PKD1: variants seen among roughly 807,000 people sequenced by gnomAD.
PKD1 encodes the protein polycystin-1.
In PKD1, 81 loss-of-function variants were observed where a neutral mutation model predicts 361.7. The ratio of observed to expected loss-of-function variants is 0.22; its 90% CI spans 0.19 to 0.27. The LOEUF (loss-of-function observed/expected upper bound fraction) is 0.27, where lower values mean the gene tolerates loss of function less well. Among genes scored for constraint, PKD1 ranks in the 10% least tolerant of loss-of-function variants. PKD1 has a pLI of 1.00. For missense variants in PKD1, 6,399 were observed against 6,118.3 expected (o/e 1.05, Z -1.53); for synonymous variants, 3,615 against 2,818.3 (o/e 1.28, Z -8.95).
Position 2,108,528 on chromosome 16 carries a change from C to T in PKD1, c.6639G>A (p.Arg2213=), listed in dbSNP as rs777695649. The T allele has an allele frequency of 2.5e-6, 4 of 1,608,730 alleles. No homozygotes were observed. Among genetic ancestry groups the T allele is most frequent in the Non-Finnish European group, 3.4e-6 (4 of 1,178,894 alleles). ...CCAGCCGCGGCAGCACCAGCCGAGG[C>T]CGGCTCACGTCCACGCCGGGCAGGG... ...RVALPGVDVS[R]PRLVLPRLAL... The change falls in exon 15 of 46, where the codon CGG becomes CGA. Residue 2213 remains arginine (R), a synonymous_variant. Transcript: ENST00000262304.
rs1311566854 is a variant in PKD1 at position 2,116,583 on chromosome 16, G to A, written c.1668C>T (p.Pro556=). The A allele has an allele frequency of 7.0e-6, 11 of 1,571,382 alleles. No homozygotes were observed. The South Asian group carries it at 1.2e-4, about 17-fold the overall frequency. The change falls in exon 8 of 46, where the codon CCC becomes CCT. Residue 556 remains proline, a synonymous_variant. Transcript: ENST00000262304. The part of the protein sequence containing the change: ...VGAPSGDLQG[P]LTPLAQQDGL... ...CGTCCTGCTGTGCCAGAGGCGTCAG[G>A]GGTCCCTGCAGGTCCCCACTGGGCG...
intron 1 of PKD1, among the ~76,000 whole-genome samples, chr16:2,127,778 G>T (rs1025637774): frequency 4.0e-5 from 6 of 151,336 alleles, no homozygotes; most frequent in African/African-American, 1.5e-4. Context: ...CACACCAGAG[G>T]TGGAGGCGCT....
At position 2,090,920 on chromosome 16, in the gene PKD1, G is replaced by A. The variant is rs755675128; in HGVS notation, c.11967C>T (p.Gly3989=). The A allele has an allele frequency of 8.2e-6, 13 of 1,585,358 alleles. No homozygotes were observed. Among genetic ancestry groups the A allele is most frequent in the Middle Eastern group, 1.7e-4 (1 of 6,032 alleles). ...GCAGGAAGAGCAGCGAGGCCGCCAG[G>A]CCACGGGCTGCGGAGCTCAGCTGCG... ...QVAQLSSAAR[G]LAASLLFLLL... Residue 3989 remains glycine (G), a synonymous_variant, in exon 43 of 46, where the codon GGC becomes GGT. Coordinates refer to ENST00000262304, the MANE Select transcript of PKD1 (RefSeq NM_001009944.3).
intron 1 of PKD1, among the ~76,000 whole-genome samples, chr16:2,125,525 G>A (rs1324391695): frequency 2.1e-5 from 2 of 96,136 alleles, no homozygotes; most frequent in African/African-American, 1.0e-4. Flanking sequence ...GGTCCTCCCG[G>A]GACCCACAGG....
In PKD1 at chr16:2,103,860, C is replaced by T. The variant is rs1275391289; in HGVS notation, c.8197G>A (p.Ala2733Thr). 2 of 1,603,734 alleles carry T rather than the reference C, an allele frequency of 1.2e-6. No individual in the cohort carries two copies. The highest frequency in any genetic ancestry group is 2.3e-5 in the East Asian group (1 of 44,406). Reference sequence around the variant, plus strand: ...GCTCCCAGCTCTGAGGGCTGTGGTGCCCGCACGTCCGAGCTGGCCAGGTGG... The same window carrying T: ...GCTCCCAGCTCTGAGGGCTGTGGTGTCCGCACGTCCGAGCTGGCCAGGTGG... The part of the protein sequence containing the change: ...LIHLASSDVR[A>T]PQPSELGAES... Residue 2733 changes from alanine (A) to threonine (T), a missense_variant, in exon 23 of 46, where the codon GCA becomes ACA. Coordinates refer to ENST00000262304, the MANE Select transcript of PKD1 (RefSeq NM_001009944.3).
In PKD1 at chr16:2,123,703, C is replaced by T. The variant is rs28651969; in HGVS notation, c.216-4325G>A. Among the ~76,000 whole-genome samples the T allele has an allele frequency of 0.18, 27,674 of 152,026 alleles. 2,776 individuals are homozygous for T. Among genetic ancestry groups the T allele is most frequent in the African/African-American group, 0.23 (9,713 of 41,460 alleles). Reference sequence around the variant, plus strand: ...GGCATCTGGCAGCAGGACCACCGAGCGGCCCTAAGCCCAGGCAAGAGCACA... The same window carrying T: ...GGCATCTGGCAGCAGGACCACCGAGTGGCCCTAAGCCCAGGCAAGAGCACA... On this transcript the variant is annotated intron_variant, in intron 1 of 45. Transcript: ENST00000262304.
chr16:2,130,014 A>G (rs1296267037), intron 1 of PKD1, among the ~76,000 whole-genome samples: 6 of 152,172 alleles, frequency 3.9e-5, no homozygotes, highest in Non-Finnish European at 2.9e-5. Context: ...AGACACAACC[A>G]AAGCCTCCCC....
rs1286975547 is a variant in PKD1, at chr16:2,097,135, G to A, written c.10499+13C>T. 1.3e-6 allele frequency: 2 copies of A among 1,541,552 alleles called. No individual in the cohort carries two copies. Among genetic ancestry groups the A allele is most frequent in the Admixed American group, 2.0e-5 (1 of 50,934 alleles). ...TCTGGCAATCCCCCCTCCCCCGAGA[G>A]CCGGACACTCACAGGCTGCTGAGCA... On this transcript the variant is annotated intron_variant, in intron 34 of 45. Transcript: ENST00000262304.
intron 1 of PKD1, among the ~76,000 whole-genome samples, chr16:2,129,948 T>A (rs1040584532): frequency 2.2e-4 from 34 of 152,086 alleles, no homozygotes; most frequent in Admixed American, 1.8e-3. Context: ...GTGCTCTCTG[T>A]CTCCACAGTC....
At position 2,088,838 on chromosome 16, in the gene PKD1, T is replaced by C; in HGVS notation, c.*889A>G. On this transcript the variant is annotated 3_prime_UTR_variant, in exon 46 of 46. Transcript: ENST00000262304. ...CAGGCACAGCCAGCTCCGAGGGCCT[T>C]GAGGCTGCCTGGGCCATACAGCACA... 1.7e-6 allele frequency: 1 copy of C among 598,968 alleles called. No homozygotes were observed. The highest frequency in any genetic ancestry group is 2.9e-6 in the Non-Finnish European group (1 of 342,254). 37.1% of individuals were successfully genotyped at this position (598,968 alleles called of 1,614,324 possible). A position where few individuals can be genotyped will look rare whatever the true frequency, so the allele number is the denominator to read the frequency against.
intron 38 of PKD1, 52 bp from the exon 39 acceptor site, chr16:2,092,644 C>T (rs775152480): frequency 1.3e-5 from 17 of 1,294,174 alleles, no homozygotes; most frequent in Non-Finnish European, 1.3e-5. Context: ...ATGCCCGCCT[C>T]GAGTGAGCGG....
intron 16 of PKD1, chr16:2,107,497 G>A: frequency 1.0e-5 from 4 of 384,080 alleles, no homozygotes; most frequent in Non-Finnish European, 9.9e-6. Context: ...AGCCACCACG[G>A]GCTCAGGGTC....
chr16:2,111,462 C>A lies in PKD1; in HGVS notation c.3705G>T (p.Val1235=), dbSNP rs773787157. The A allele has an allele frequency of 1.9e-6, 3 of 1,611,602 alleles. No homozygotes were observed. The highest frequency in any genetic ancestry group is 2.7e-5 in the African/African-American group (2 of 74,900). ...TCCACGTGATGTTGTCGCCCGTCTG[C>A]ACCGCGGCGCTGACCACCACGGGGG... ...QGAPVVVSAA[V]QTGDNITWTF... is the part of the protein sequence containing the mutation. Residue 1235 remains valine (V), a synonymous_variant, in exon 15 of 46, where the codon GTG becomes GTT. Coordinates refer to ENST00000262304, the MANE Select transcript of PKD1 (RefSeq NM_001009944.3).
intron 1 of PKD1, among the ~76,000 whole-genome samples, chr16:2,126,709 G>A (rs1236448380): frequency 5.9e-5 from 9 of 152,382 alleles, no homozygotes; most frequent in South Asian, 2.1e-4. Flanking sequence ...GGTGCTTGGC[G>A]GGCTGGGCTG....
intron 1 of PKD1, chr16:2,119,983 G>A (rs1206986468): frequency 2.2e-5 from 13 of 596,120 alleles, no homozygotes; most frequent in South Asian, 7.8e-5. Context: ...GAGCTGAGAC[G>A]GAAGGATCGC....
intron 1 of PKD1, among the ~76,000 whole-genome samples, chr16:2,126,547 C>G (rs1305741261): frequency 6.6e-6 from 1 of 152,272 alleles, no homozygotes; most frequent in African/African-American, 2.4e-5. Context: ...TGGGAAAGGG[C>G]GTGAGCTGCA....
Position 2,109,788 on chromosome 16 carries a change from G to C in PKD1, c.5379C>G (p.Thr1793=). 3 of 1,609,760 alleles carry C rather than the reference G, an allele frequency of 1.9e-6. No homozygotes were observed. The highest frequency in any genetic ancestry group is 2.7e-5 in the African/African-American group (2 of 74,960). The change falls in exon 15 of 46, where the codon ACC becomes ACG. Residue 1793 remains threonine (T), a synonymous_variant. Coordinates refer to ENST00000262304, the MANE Select transcript of PKD1 (RefSeq NM_001009944.3). The part of the protein sequence containing the change: ...AGNPLGSANA[T]VEVDVQVPVS... Reference sequence around the variant, plus strand: ...CAGGCACCTGCACATCCACTTCCACGGTGGCGTTGGCTGAGCCCAGCGGGT... The same window carrying C: ...CAGGCACCTGCACATCCACTTCCACCGTGGCGTTGGCTGAGCCCAGCGGGT...
chr16:2,111,623 C>G lies in PKD1; in HGVS notation c.3544G>C (p.Ala1182Pro). 1.3e-6 allele frequency: 2 copies of G among 1,575,184 alleles called. No individual in the cohort carries two copies. The highest frequency in any genetic ancestry group is 1.2e-5 in the South Asian group (1 of 86,814). Residue 1182 changes from alanine to proline, a missense_variant, in exon 15 of 46, where the codon GCC (alanine) becomes CCC (proline). Ala to Pro is a conservative substitution (Grantham distance 27). Coordinates refer to ENST00000262304, the MANE Select transcript of PKD1 (RefSeq NM_001009944.3). ...QSQPAANHTY[A>P]SRGTYHVRLE... The stretch of plus-strand genomic sequence containing the variant: ...CGCACGTGGTAGGTGCCCCTCGAGG[C>G]ATAGGTGTGGTTGGCAGCCGGCTGG...
intron 26 of PKD1, among the ~76,000 whole-genome samples, chr16:2,101,531 T>C (rs370235453): frequency 6.6e-5 from 10 of 152,180 alleles, no homozygotes; most frequent in South Asian, 2.1e-4. Flanking sequence ...TTAAGGGGAA[T>C]GGCTTAAACC....
Sources: gnomAD v4.1 joint callset for allele counts (sites outside exome capture counted in the v4.1 genomes callset) on GRCh38, gnomAD v4.1.1 for gene constraint, MANE v1.5 for transcripts, NCBI Gene and HGNC (gene_info 2026-07-23, HGNC 2026-07-21) for gene names.